The following WDHD1 variants were observed in gnomAD, a reference collection of about 807,000 sequenced individuals.
WDHD1 encodes the protein WD repeat and HMG-box DNA-binding protein 1.
WDHD1 carries 111 observed loss-of-function variants against 135.4 expected under a neutral mutation model. The ratio of observed to expected loss-of-function variants is 0.82; its 90% confidence interval spans 0.70 to 0.96. The LOEUF is 0.96. Among genes scored for constraint, WDHD1 ranks in the 40% least tolerant of loss-of-function variants. The pLI is 0.00. For missense variants in WDHD1, 1,351 were observed against 1,336.3 expected, an observed-to-expected ratio of 1.01 and a Z score of -0.17; for synonymous variants, 434 against 439.0, an observed-to-expected ratio of 0.99 and a Z score of 0.14.
chr14:54,989,902 G>C (rs2041756779), intron 12 of WDHD1, among the ~76,000 whole-genome samples: 1 of 152,044 alleles, frequency 6.6e-6, no homozygotes, highest in South Asian at 2.1e-4. Flanking sequence ...ATCCTCAAGT[G>C]ACCAACCCAC....
Position 54,975,343 on chromosome 14 carries a change from A to G in WDHD1, c.2063+6197T>C, listed in dbSNP as rs536864886. ...CATTAATACAGATCAGTAATTTCTCATATTCATAATTTTTTTTTTTTTGAG... is the reference window on the plus strand; with the variant it reads ...CATTAATACAGATCAGTAATTTCTCGTATTCATAATTTTTTTTTTTTTGAG... On this transcript the variant is annotated intron_variant, in intron 16 of 25. Transcript: ENST00000360586. Among the ~76,000 whole-genome samples, 13 of 151,314 alleles carry G rather than the reference A, an allele frequency of 8.6e-5. No individual in the cohort carries two copies. The South Asian group carries it at 2.5e-3, about 29-fold the overall frequency.
intron 2 of WDHD1, among the ~76,000 whole-genome samples, chr14:55,014,507 G>A (rs2042228400): frequency 6.6e-6 from 1 of 152,268 alleles, no homozygotes; most frequent in East Asian, 1.9e-4. Context: ...AACAGTCTCT[G>A]ACAGAAACCT....
At position 54,957,653 on chromosome 14, in the gene WDHD1, C is replaced by A. The variant is rs1380997689; in HGVS notation, c.2702-18G>T. 6 of 1,600,330 alleles carry A rather than the reference C, an allele frequency of 3.7e-6. No individual in the cohort carries two copies. The highest frequency in any genetic ancestry group is 4.5e-5 in the East Asian group (2 of 44,742). On this transcript the variant is annotated intron_variant, in intron 21 of 25. Transcript: ENST00000360586. ...AACTGCACCTTTCACAAAAAAGAAA[C>A]CCTTGCTTAATAATGGTAGAAAATA...
chr14:54,960,038 C>G (rs1318167783), intron 21 of WDHD1, among the ~76,000 whole-genome samples: 1 of 152,154 alleles, frequency 6.6e-6, no homozygotes, highest in Non-Finnish European at 1.5e-5. Flanking sequence ...TCTTTACGCC[C>G]TGAACTCCTA....
chr14:54,953,646 C>T (rs1201015381), intron 24 of WDHD1, among the ~76,000 whole-genome samples: 3 of 152,150 alleles, frequency 2.0e-5, no homozygotes, highest in African/African-American at 7.2e-5. Context: ...GATTATAAAT[C>T]ATGCTGCTAT....
chr14:54,984,831 C>G lies in WDHD1; in HGVS notation c.1798G>C (p.Gly600Arg), dbSNP rs762854516. The G allele has an allele frequency of 6.2e-7, 1 of 1,612,942 alleles. No homozygotes were observed. The highest frequency in any genetic ancestry group is 8.5e-7 in the Non-Finnish European group (1 of 1,179,610). The change falls in exon 15 of 26, where the codon GGA (glycine) becomes CGA (arginine). Residue 600 changes from glycine (G) to arginine (R), a missense_variant. Physicochemically the swap from Gly to Arg is moderately radical, Grantham distance 125. Coordinates refer to ENST00000360586, the MANE Select transcript of WDHD1 (RefSeq NM_007086.4). ...TTCCCCAGCTCTAGCAGTTGAACTC[C>G]AAGGCACTGATCCCCATCAAATCCT... ...GTGFDGDQCLGVQLLELGKKK... is the reference protein window; with the variant it reads ...GTGFDGDQCLRVQLLELGKKK...
chr14:55,000,671 A>C, intron 9 of WDHD1, 27 bp from the exon 10 acceptor site: 1 of 1,498,008 alleles, frequency 6.7e-7, no homozygotes, highest in South Asian at 1.5e-5. Context: ...AGGTTCTAAA[A>C]ATACTGTCAA....
rs71448422 is a variant in WDHD1, at chr14:55,013,194, C to CAAA, written c.189+288_189+290dup. 3.1e-3 allele frequency among the ~76,000 whole-genome samples: 252 copies of CAAA among 82,304 alleles called. 9 individuals are homozygous for CAAA. Among genetic ancestry groups the CAAA allele is most frequent in the African/African-American group, 0.012 (228 of 19,314 alleles). 54.0% of individuals were successfully genotyped at this position (82,304 alleles called of 152,430 possible). A position where few individuals can be genotyped will look rare whatever the true frequency, so the allele number is the denominator to read the frequency against. The stretch of plus-strand genomic sequence containing the variant: ...TGAGCAACATGGCAAGATCCCGTTT[C>CAAA]AAAAAAAAAAAAAAAAAAAAAAAAT... On this transcript the variant is annotated intron_variant, in intron 3 of 25. Coordinates refer to ENST00000360586, the MANE Select transcript of WDHD1 (RefSeq NM_007086.4).
At chr14:55,026,616 C>G in intron 2 of WDHD1, 95 bp downstream of exon 2, 1 of 1,194,480 alleles carries the variant, frequency 8.4e-7, no homozygotes. Context: ...ATTCCTCTAT[C>G]CGCATGAGTC....
intron 24 of WDHD1, among the ~76,000 whole-genome samples, chr14:54,953,020 C>T (rs2041087878): frequency 6.6e-6 from 1 of 152,134 alleles, no homozygotes; most frequent in African/African-American, 2.4e-5. Flanking sequence ...ACCATAAAAA[C>T]CCCAGAAGAA....
intron 18 of WDHD1, among the ~76,000 whole-genome samples, chr14:54,963,449 T>G (rs1166488534): frequency 6.6e-6 from 1 of 152,142 alleles, no homozygotes; most frequent in African/African-American, 2.4e-5. Flanking sequence ...TTAGATTTGA[T>G]GAAATATTAC....
At chr14:55,001,135 T>C in intron 8 of WDHD1, 143 bp from the exon 9 acceptor site, 1 of 454,090 alleles carries the variant, frequency 2.2e-6, no homozygotes, top group Non-Finnish European at 3.8e-6. Flanking sequence ...TATATCCCTG[T>C]TCTATATTAT....
intron 21 of WDHD1, among the ~76,000 whole-genome samples, chr14:54,961,239 C>A (rs1249074454): frequency 1.3e-5 from 2 of 151,944 alleles, no homozygotes; most frequent in Admixed American, 6.6e-5. Context: ...ACCTGCAGGT[C>A]CAACAACTTT....
chr14:54,998,510 G>A (rs1379010286), intron 10 of WDHD1, among the ~76,000 whole-genome samples: 4 of 152,166 alleles, frequency 2.6e-5, no homozygotes, highest in South Asian at 2.1e-4. Flanking sequence ...TTTACAAGGC[G>A]TGCTATGAAA....
intron 4 of WDHD1, 77 bp from the exon 5 acceptor site, chr14:55,008,796 T>TA: frequency 1.3e-5 from 14 of 1,053,780 alleles, no homozygotes; most frequent in African/African-American, 1.6e-5. Context: ...TCCAAATATT[T>TA]CTTTTTTTTT....
At chr14:54,992,997 T>C (rs1359314137) in intron 11 of WDHD1, among the ~76,000 whole-genome samples, 1 of 152,144 alleles carries the variant, frequency 6.6e-6, no homozygotes, top group Non-Finnish European at 1.5e-5. Flanking sequence ...ATAAAAAGTG[T>C]CAGTATAAAG....
chr14:55,005,362 A>G, intron 7 of WDHD1: 1 of 563,474 alleles, frequency 1.8e-6, no homozygotes, highest in Non-Finnish European at 3.4e-6. Flanking sequence ...GGATCTGGTT[A>G]ATGAAAGTTC....
intron 11 of WDHD1, among the ~76,000 whole-genome samples, chr14:54,993,369 C>T (rs1191795812): frequency 2.6e-5 from 4 of 152,124 alleles, no homozygotes; most frequent in Non-Finnish European, 4.4e-5. Context: ...ATCCTCCTGC[C>T]TGGGCCTCCC....
rs768068666 is a variant in WDHD1 at position 54,955,650 on chromosome 14, A to G, written c.2961T>C (p.Asn987=). 7.6e-6 allele frequency: 12 copies of G among 1,588,138 alleles called. No individual in the cohort carries two copies. Among genetic ancestry groups the G allele is most frequent in the Non-Finnish European group, 1.0e-5 (12 of 1,170,330 alleles). The part of the protein sequence containing the change: ...SYFQKRNSQT[N]KTEEVKEENL... ...TTTCTTCTTTCACTTCCTCAGTTTTATTAGTTTGAGAATTTCTTTTCTGGA... is the reference window on the plus strand; with the variant it reads ...TTTCTTCTTTCACTTCCTCAGTTTTGTTAGTTTGAGAATTTCTTTTCTGGA... The change falls in exon 24 of 26, where the codon AAT becomes AAC. Residue 987 remains asparagine, a synonymous_variant. Transcript: ENST00000360586.
Sources: gnomAD v4.1 joint callset for allele counts (sites outside exome capture counted in the v4.1 genomes callset) on GRCh38, gnomAD v4.1.1 for gene constraint, MANE v1.5 for transcripts, NCBI Gene and HGNC (gene_info 2026-07-23, HGNC 2026-07-21) for gene names.